FANCA: variants seen among roughly 807,000 people sequenced by gnomAD.
FANCA encodes the protein FA complementation group A, also known as Fanconi anemia group A protein.
Under a neutral mutation model 194.3 loss-of-function variants are expected in FANCA, and 236 were observed. The observed-to-expected ratio is 1.21, with a 90% confidence interval of 1.09 to 1.35. The LOEUF (loss-of-function observed/expected upper bound fraction) is 1.35, where lower values mean the gene tolerates loss of function less well. Ranked by LOEUF, FANCA falls within the 40% of genes most tolerant of loss-of-function variation. The pLI, the probability that FANCA is intolerant of heterozygous loss-of-function variation, is 0.00. For missense variants in FANCA, 2,628 were observed against 1,813.9 expected (o/e 1.45, Z -8.15); for synonymous variants, 1,014 against 715.8 (o/e 1.42, Z -6.65).
In FANCA at chr16:89,794,421, G is replaced by A. The variant is rs188025103; in HGVS notation, c.1006+1485C>T. On this transcript the variant is annotated intron_variant, in intron 11 of 42. Transcript: ENST00000389301. ...AAAAAGTAGCTGGGCATGGTGGCAG[G>A]CGCCTGTAATTCAAGCTTGGCAGGG... Among the ~76,000 whole-genome samples the A allele has an allele frequency of 3.2e-3, 486 of 151,366 alleles. 6 individuals are homozygous for A. The highest frequency in any genetic ancestry group is 0.011 in the African/African-American group (448 of 40,786).
intron 33 of FANCA, 123 bp from the exon 34 acceptor site, chr16:89,747,013 A>G (rs2038414336): frequency 1.1e-6 from 1 of 936,664 alleles, no homozygotes. Context: ...CGTGGCCACC[A>G]TGGATGGTGC....
intron 30 of FANCA, among the ~76,000 whole-genome samples, chr16:89,752,819 G>A (rs765929216): frequency 2.6e-5 from 4 of 152,196 alleles, no homozygotes; most frequent in Non-Finnish European, 5.9e-5. Flanking sequence ...CAAGCGGATC[G>A]TGGTCCAGCG....
chr16:89,786,357 G>A (rs1172497192), intron 14 of FANCA, among the ~76,000 whole-genome samples: 1 of 152,058 alleles, frequency 6.6e-6, no homozygotes, highest in Non-Finnish European at 1.5e-5. Context: ...CTAATTTTGT[G>A]TTTTTAGTAG....
At chr16:89,764,422 C>T (rs1009876147) in intron 28 of FANCA, among the ~76,000 whole-genome samples, 16 of 152,092 alleles carry the variant, frequency 1.1e-4, no homozygotes, top group Non-Finnish European at 1.9e-4. Context: ...TCTCTTGCCT[C>T]AGCCTCCCAA....
chr16:89,741,790 T>G (rs1041941299), intron 37 of FANCA, among the ~76,000 whole-genome samples: 1 of 152,140 alleles, frequency 6.6e-6, no homozygotes, highest in Non-Finnish European at 1.5e-5. Context: ...TGCAAGCTTA[T>G]CTGGGGCTGT....
chr16:89,813,092 A>G (rs549825569), intron 3 of FANCA, among the ~76,000 whole-genome samples: 3 of 151,706 alleles, frequency 2.0e-5, no homozygotes, highest in Admixed American at 2.0e-4. Flanking sequence ...AGTACGAGAA[A>G]TCATCAGCTG....
intron 14 of FANCA, 34 bp downstream of exon 14, chr16:89,791,369 C>T: frequency 6.2e-7 from 1 of 1,611,140 alleles, no homozygotes; most frequent in Non-Finnish European, 8.5e-7. Flanking sequence ...CTGGGAAGAT[C>T]AGGTATTAGG....
intron 30 of FANCA, among the ~76,000 whole-genome samples, chr16:89,755,509 A>C (rs1341627889): frequency 1.3e-5 from 2 of 152,178 alleles, no homozygotes; most frequent in Admixed American, 1.3e-4. Flanking sequence ...CTGGCCCAAA[A>C]TGTTTTCTGA....
chr16:89,809,931 C>G (rs1416125573), intron 5 of FANCA, among the ~76,000 whole-genome samples: 2 of 151,876 alleles, frequency 1.3e-5, no homozygotes, highest in Non-Finnish European at 2.9e-5. Context: ...GTGGCTGAGG[C>G]AGGACAATCG....
chr16:89,744,713 T>C (rs2143083981), intron 36 of FANCA: 1 of 538,570 alleles, frequency 1.9e-6, no homozygotes, highest in South Asian at 1.9e-5. Context: ...CTATTGGCCG[T>C]TGGAGTGATC....
At chr16:89,794,379 G>GTCT (rs1188689353) in intron 11 of FANCA, among the ~76,000 whole-genome samples, 1 of 151,970 alleles carries the variant, frequency 6.6e-6, no homozygotes, top group Non-Finnish European at 1.5e-5. Context: ...GTGAAACCCT[G>GTCT]TCTCTACTCA....
At position 89,773,284 on chromosome 16, in the gene FANCA, G is replaced by A; in HGVS notation, c.2001C>T (p.Pro667=). The A allele has an allele frequency of 1.3e-6, 2 of 1,550,820 alleles. No homozygotes were observed. The highest frequency in any genetic ancestry group is 1.7e-6 in the Non-Finnish European group (2 of 1,146,618). The change falls in exon 22 of 43, where the codon CCC becomes CCT. Residue 667 remains proline, a synonymous_variant. Transcript: ENST00000389301. ...ATCCATCCTCACCATCACGCTGGCT[G>A]GGGTCTGTCATGGAGGCTCTCAGCT... The part of the protein sequence containing the change: ...LGELRASMTD[P]SQRDVISAQV...
chr16:89,759,323 A>ATT (rs1567610323), intron 29 of FANCA, among the ~76,000 whole-genome samples: 2 of 112,242 alleles, frequency 1.8e-5, no homozygotes, highest in African/African-American at 6.0e-5. Context: ...CCGTCTAAAA[A>ATT]AAAAAAAAAA....
chr16:89,807,681 G>C (rs2040710374), intron 6 of FANCA, among the ~76,000 whole-genome samples: 1 of 151,618 alleles, frequency 6.6e-6, no homozygotes, highest in Non-Finnish European at 1.5e-5. Context: ...TCAGGAGATG[G>C]AGCCCATCCT....
chr16:89,811,134 A>C (rs1217556979), intron 3 of FANCA, 63 bp from the exon 4 acceptor site: 46 of 1,608,248 alleles, frequency 2.9e-5, no homozygotes, highest in Non-Finnish European at 3.9e-5. Context: ...AAAACCAAAG[A>C]CTTGCTGTTT....
At chr16:89,815,783 G>T in intron 2 of FANCA, 94 bp downstream of exon 2, 1 of 1,058,090 alleles carries the variant, frequency 9.5e-7, no homozygotes, top group Non-Finnish European at 1.5e-6. Flanking sequence ...CGCGCCCGCC[G>T]CCTCGGGTGT....
intron 8 of FANCA, among the ~76,000 whole-genome samples, chr16:89,799,889 G>C: frequency 6.6e-6 from 1 of 152,218 alleles, no homozygotes; most frequent in Non-Finnish European, 1.5e-5. Flanking sequence ...AGCTACTCGG[G>C]AGGCTGAGGC....
intron 17 of FANCA, 71 bp downstream of exon 17, chr16:89,782,788 G>A: frequency 1.4e-6 from 2 of 1,395,852 alleles, no homozygotes; most frequent in South Asian, 1.2e-5. Flanking sequence ...CAACTCAAGA[G>A]TCAAAAGAAA....
rs1184824025 is a variant in FANCA, at chr16:89,791,229, G to A, written c.1359+174C>T. 4 of 839,260 alleles carry A rather than the reference G, an allele frequency of 4.8e-6. No homozygotes were observed. The African/African-American group carries it at 5.1e-5, about 11-fold the overall frequency. The allele number at this position is 839,260 out of a possible 1,614,324, so 52.0% of individuals were successfully genotyped here. The stretch of plus-strand genomic sequence containing the variant: ...GAAGATCCGCTGAGGCCCCGACAGG[G>A]AGAACCCAGGCTCCTCGGCACACGC... On this transcript the variant is annotated intron_variant, in intron 14 of 42. Transcript: ENST00000389301.
Sources: allele counts gnomAD v4.1 joint callset (sites outside exome capture counted in the v4.1 genomes callset), GRCh38; gene constraint gnomAD v4.1.1; transcripts MANE v1.5; gene names NCBI Gene and HGNC (gene_info 2026-07-23, HGNC 2026-07-21).